Variants in ARL1 observed in about 807,000 individuals in gnomAD.
ARL1 encodes ARF like GTPase 1, also known as ADP-ribosylation factor-like protein 1.
Under a neutral mutation model 30.1 loss-of-function variants are expected in ARL1, and 17 were observed. That is an observed-to-expected ratio of 0.56 (90% CI 0.39 to 0.85). The LOEUF (loss-of-function observed/expected upper bound fraction) is 0.85, where lower values mean the gene tolerates loss of function less well. Among genes scored for constraint, ARL1 ranks in the 40% least tolerant of loss-of-function variants. The pLI is 0.00. For synonymous variants in ARL1, 58 were observed against 71.7 expected (o/e 0.81, Z 0.97); for missense variants, 102 against 212.6 (o/e 0.48, Z 3.24).
At chr12:101,402,004 A>G (rs1340034066) in intron 3 of ARL1, among the ~76,000 whole-genome samples, 1 of 152,134 alleles carries the variant, frequency 6.6e-6, no homozygotes, top group Non-Finnish European at 1.5e-5. Flanking sequence ...AAAAAAAAAG[A>G]AACGTGATTC....
rs1308781742 is a variant in ARL1 at position 101,393,648 on chromosome 12, C to A, written c.*1992G>T. The A allele has an allele frequency of 6.6e-6, 1 of 152,088 alleles. No individual in the cohort carries two copies. Among genetic ancestry groups the A allele is most frequent in the East Asian group, 1.9e-4 (1 of 5,184 alleles). 9.4% of individuals were successfully genotyped at this position (152,088 alleles called of 1,614,324 possible). A position where few individuals can be genotyped will look rare whatever the true frequency, so the allele number is the denominator to read the frequency against. On this transcript the variant is annotated 3_prime_UTR_variant, in exon 6 of 6. Transcript: ENST00000261636. ...ATCCCATCCTATTCTTTGTGATAAA[C>A]CAGAGGGATCAGGCTTAACCAAGTG... is the stretch of plus-strand genomic sequence containing the variant.
rs1871076928 is a variant in ARL1 at position 101,393,871 on chromosome 12, G to A, written c.*1769C>T. On this transcript the variant is annotated 3_prime_UTR_variant, in exon 6 of 6. Transcript: ENST00000261636. Reference sequence around the variant, plus strand: ...TCCAGCCATGTGCCATTGACCAGGAGTGAACTCAAGTATAAATTGCAAAGG... The same window carrying A: ...TCCAGCCATGTGCCATTGACCAGGAATGAACTCAAGTATAAATTGCAAAGG... The A allele has an allele frequency of 6.6e-6, 1 of 152,084 alleles. No homozygotes were observed. 9.4% of individuals were successfully genotyped at this position (152,084 alleles called of 1,614,324 possible).
chr12:101,398,451 T>TTTTG (rs940425356), intron 4 of ARL1, among the ~76,000 whole-genome samples: 16 of 151,944 alleles, frequency 1.1e-4, no homozygotes, highest in Non-Finnish European at 1.5e-5. Context: ...ACTATATATT[T>TTTTG]TTTGTTTGTT....
At chr12:101,395,786 A>G in intron 5 of ARL1, 116 bp from the exon 6 acceptor site, 3 of 695,544 alleles carry the variant, frequency 4.3e-6, no homozygotes, top group South Asian at 1.8e-5. Context: ...GATGACAGCT[A>G]ACACAGATGA....
In ARL1 at chr12:101,399,117, TA is replaced by T. The variant is rs563286763; in HGVS notation, c.336+1944del. Among the ~76,000 whole-genome samples, 282 of 144,804 alleles carry T rather than the reference TA, an allele frequency of 1.9e-3. 1 individual carries two copies. The highest frequency in any genetic ancestry group is 3.5e-3 in the Middle Eastern group (1 of 288). 95.0% of individuals were successfully genotyped at this position (144,804 alleles called of 152,430 possible). A position where few individuals can be genotyped will look rare whatever the true frequency, so the allele number is the denominator to read the frequency against. On this transcript the variant is annotated intron_variant, in intron 4 of 5. Transcript: ENST00000261636. The stretch of plus-strand genomic sequence containing the variant: ...TTATAATAAATATAATGCTATGATG[TA>T]AAAAAAAAAAAATTAACCAAATGTT...
chr12:101,400,709 T>C (rs1362710343), intron 4 of ARL1, among the ~76,000 whole-genome samples: 2 of 152,144 alleles, frequency 1.3e-5, no homozygotes, highest in African/African-American at 4.8e-5. Flanking sequence ...AACCCAGAAA[T>C]ACATATTTCT....
At chr12:101,398,222 C>G (rs1871203096) in intron 4 of ARL1, among the ~76,000 whole-genome samples, 1 of 151,444 alleles carries the variant, frequency 6.6e-6, no homozygotes, top group Non-Finnish European at 1.5e-5. Context: ...ATGGTGAAAC[C>G]CCGTCTCTAC....
chr12:101,398,973 A>C (rs1210973170), intron 4 of ARL1, among the ~76,000 whole-genome samples: 1 of 152,226 alleles, frequency 6.6e-6, no homozygotes, highest in Non-Finnish European at 1.5e-5. Flanking sequence ...AATACTTTAT[A>C]TGATAAAAAT....
At chr12:101,402,345 T>C (rs1301260183) in intron 3 of ARL1, among the ~76,000 whole-genome samples, 7 of 152,122 alleles carry the variant, frequency 4.6e-5, no homozygotes, top group Non-Finnish European at 2.9e-5. Flanking sequence ...CGCACCACCA[T>C]GCCCAGCTAA....
chr12:101,402,923 C>T lies in ARL1; in HGVS notation c.166G>A (p.Val56Met). 1 of 1,612,764 alleles carries T rather than the reference C, an allele frequency of 6.2e-7. No individual in the cohort carries two copies. The highest frequency in any genetic ancestry group is 8.5e-7 in the Non-Finnish European group (1 of 1,179,122). Residue 56 changes from valine to methionine, a missense_variant, in exon 3 of 6, where the codon GTG becomes ATG. Val to Met is a conservative substitution (Grantham distance 21). Transcript: ENST00000261636. ...IPTIGFNVET[V>M]TYKNLKFQVW... is the part of the protein sequence containing the mutation. The stretch of plus-strand genomic sequence containing the variant: ...TGGAATTTAAGGTTTTTGTACGTCA[C>T]CGTCTCTACATTAAATCCAATGGCT...
chr12:101,404,311 A>C (rs1214074494), intron 2 of ARL1, among the ~76,000 whole-genome samples: 3 of 152,074 alleles, frequency 2.0e-5, no homozygotes, highest in African/African-American at 7.2e-5. Flanking sequence ...CAGGAGGTAG[A>C]GGTAGAGGTA....
In ARL1 at chr12:101,395,359, G is replaced by A. The variant is rs183080651; in HGVS notation, c.*281C>T. The A allele has an allele frequency of 8.6e-4, 289 of 337,140 alleles. 2 individuals are homozygous for A. The highest frequency in any genetic ancestry group is 3.3e-3 in the Admixed American group (71 of 21,374). 20.9% of individuals were successfully genotyped at this position (337,140 alleles called of 1,614,324 possible). On this transcript the variant is annotated 3_prime_UTR_variant, in exon 6 of 6. Transcript: ENST00000261636. ...TCCAATAGGAGTATACTCTTTAATA[G>A]AACTGTATTTGAATAAGAATTCCAT...
intron 5 of ARL1, 29 bp downstream of exon 5, chr12:101,396,370 C>T (rs1296636592): frequency 1.2e-6 from 2 of 1,613,754 alleles, no homozygotes; most frequent in African/African-American, 2.7e-5. Flanking sequence ...CACAAATGCA[C>T]AGATGGCTTC....
rs1871111949 is a variant in ARL1, at chr12:101,395,118, C to T, written c.*522G>A. The T allele has an allele frequency of 6.6e-6, 1 of 152,578 alleles. No homozygotes were observed. The highest frequency in any genetic ancestry group is 1.5e-5 in the Non-Finnish European group (1 of 68,062). 9.5% of individuals were successfully genotyped at this position (152,578 alleles called of 1,614,324 possible). A position where few individuals can be genotyped will look rare whatever the true frequency, so the allele number is the denominator to read the frequency against. On this transcript the variant is annotated 3_prime_UTR_variant, in exon 6 of 6. Coordinates refer to ENST00000261636, the MANE Select transcript of ARL1 (RefSeq NM_001177.6). Reference sequence around the variant, plus strand: ...TTAACCATCAAAACAATATTCATGCCTATAACCAAAAGCTTTTAAACAAAA... The same window carrying T: ...TTAACCATCAAAACAATATTCATGCTTATAACCAAAAGCTTTTAAACAAAA...
chr12:101,402,527 G>A (rs75676739), intron 3 of ARL1, among the ~76,000 whole-genome samples: 24 of 152,274 alleles, frequency 1.6e-4, no homozygotes, highest in Non-Finnish European at 3.1e-4. Flanking sequence ...TGGTATGCCT[G>A]CAAGGTACTT....
rs1052656106 is a variant in ARL1 at position 101,405,833 on chromosome 12, C to T, written c.142+11G>A. 6 of 1,544,888 alleles carry T rather than the reference C, an allele frequency of 3.9e-6. No individual in the cohort carries two copies. The African/African-American group carries it at 8.2e-5, about 21-fold the overall frequency. ...AAGTCCCTACAATTAGCTCATCATA[C>T]CAACACTTACTAGGTATAGTAGTAA... On this transcript the variant is annotated intron_variant, in intron 2 of 5. Coordinates refer to ENST00000261636, the MANE Select transcript of ARL1 (RefSeq NM_001177.6).
chr12:101,397,002 G>T (rs923213336), intron 4 of ARL1, among the ~76,000 whole-genome samples: 2 of 152,116 alleles, frequency 1.3e-5, no homozygotes, highest in Admixed American at 6.6e-5. Flanking sequence ...CTATTTTCTA[G>T]TATCTGACTC....
intron 1 of ARL1, 160 bp downstream of exon 1, chr12:101,407,482 C>T: frequency 2.2e-6 from 2 of 926,836 alleles, no homozygotes; most frequent in Non-Finnish European, 3.3e-6. Flanking sequence ...GGATCCACCC[C>T]TACAGATGAA....
chr12:101,406,417 T>C (rs1191177445), intron 1 of ARL1, among the ~76,000 whole-genome samples: 1 of 151,850 alleles, frequency 6.6e-6, no homozygotes, highest in Non-Finnish European at 1.5e-5. Flanking sequence ...CAATCAGAGT[T>C]CTCCACGAAG....
Sources: gnomAD v4.1 joint callset for allele counts (sites outside exome capture counted in the v4.1 genomes callset) on GRCh38, gnomAD v4.1.1 for gene constraint, MANE v1.5 for transcripts, NCBI Gene and HGNC (gene_info 2026-07-23, HGNC 2026-07-21) for gene names.